RBFOX1: variants seen among roughly 807,000 people sequenced by gnomAD.
RBFOX1 encodes the protein RNA binding fox-1 homolog 1.
A neutral mutation model predicts 57.7 loss-of-function variants in RBFOX1; 8 were observed. That is an observed-to-expected ratio of 0.14 (90% CI 0.08 to 0.25). The LOEUF (loss-of-function observed/expected upper bound fraction) is 0.25. Among genes scored for constraint, RBFOX1 ranks in the 10% least tolerant of loss-of-function variants. RBFOX1 has a pLI of 1.00. For synonymous variants in RBFOX1, 326 were observed against 222.4 expected, an observed-to-expected ratio of 1.47 and a Z score of -4.15; for missense variants, 611 against 548.5, an observed-to-expected ratio of 1.11 and a Z score of -1.14.
At chr16:5,306,342 G>A (rs375242395) in intron 1 of RBFOX1, among the ~76,000 whole-genome samples, 5 of 146,048 alleles carry the variant, frequency 3.4e-5, no homozygotes, top group Non-Finnish European at 6.0e-5. Flanking sequence ...TTTTTGAGAC[G>A]GAGTTTCACC....
Position 5,689,555 on chromosome 16 carries a change from A to G in RBFOX1, c.318+90594A>G, listed in dbSNP as rs988219431. On this transcript the variant is annotated intron_variant, in intron 3 of 19. Coordinates refer to the RBFOX1 transcript ENST00000641259. ...AATAGGAGGTCTTATGTGGCACACCAGGAAAGACTTTTTGGGACCTTAGAA... is the reference window on the plus strand; with the variant it reads ...AATAGGAGGTCTTATGTGGCACACCGGGAAAGACTTTTTGGGACCTTAGAA... 2.6e-5 allele frequency among the ~76,000 whole-genome samples: 4 copies of G among 152,210 alleles called. 1 individual carries two copies. The highest frequency in any genetic ancestry group is 1.3e-4 in the Admixed American group (2 of 15,272).
At chr16:7,084,025 C>G (rs180804348) in intron 4 of RBFOX1, among the ~76,000 whole-genome samples, 180 of 152,254 alleles carry the variant, frequency 1.2e-3, no homozygotes, top group Admixed American at 0.01. Flanking sequence ...CTAACACTCT[C>G]CTGATCATCT....
chr16:6,104,275 A>G (rs569069169), intron 1 of RBFOX1, among the ~76,000 whole-genome samples: 17 of 152,300 alleles, frequency 1.1e-4, no homozygotes, highest in Non-Finnish European at 5.9e-5. Flanking sequence ...TACGCTTCTT[A>G]AGTATAAGGA....
intron 3 of RBFOX1, among the ~76,000 whole-genome samples, chr16:5,741,210 C>T (rs531352620): frequency 3.3e-5 from 5 of 152,218 alleles, no homozygotes; most frequent in Admixed American, 2.6e-4. Flanking sequence ...TGCATCTGTC[C>T]TTGGGGCTGC....
intron 3 of RBFOX1, among the ~76,000 whole-genome samples, chr16:5,751,071 G>C (rs140705712): frequency 8.5e-4 from 130 of 152,244 alleles, no homozygotes; most frequent in African/African-American, 3.0e-3. Flanking sequence ...TCAAACTTCT[G>C]ACCTGAAGAG....
intron 3 of RBFOX1, among the ~76,000 whole-genome samples, chr16:6,850,542 ATC>A (rs1567551497): frequency 6.6e-6 from 1 of 152,140 alleles, no homozygotes. Context: ...ACAAGGCCAG[ATC>A]TGTACCCACA....
intron 5 of RBFOX1, among the ~76,000 whole-genome samples, chr16:7,578,409 A>G (rs2093496367): frequency 1.3e-5 from 2 of 152,240 alleles, no homozygotes; most frequent in African/African-American, 4.8e-5. Flanking sequence ...ATGGTTTGCC[A>G]GCTAACAAGA....
chr16:7,335,182 G>C (rs1036855364), intron 4 of RBFOX1, among the ~76,000 whole-genome samples: 1 of 152,200 alleles, frequency 6.6e-6, no homozygotes, highest in Non-Finnish European at 1.5e-5. Context: ...GCTCAGCTCT[G>C]AGCCGATGTT....
chr16:7,298,206 T>C (rs1353340550), intron 4 of RBFOX1, among the ~76,000 whole-genome samples: 2 of 152,178 alleles, frequency 1.3e-5, no homozygotes, highest in East Asian at 3.9e-4. Flanking sequence ...CTGTTTATTA[T>C]AGTTGACCCT....
intron 2 of RBFOX1, among the ~76,000 whole-genome samples, chr16:6,508,005 C>T (rs111241248): frequency 1.3e-5 from 2 of 152,002 alleles, no homozygotes; most frequent in Non-Finnish European, 2.9e-5. Context: ...AAATGTGGTA[C>T]ATATACATGA....
At chr16:5,928,892 T>G (rs2058990151) in intron 4 of RBFOX1, among the ~76,000 whole-genome samples, 1 of 151,990 alleles carries the variant, frequency 6.6e-6, no homozygotes, top group Non-Finnish European at 1.5e-5. Flanking sequence ...TGACAGCCCA[T>G]GTTCAAATAA....
intron 1 of RBFOX1, among the ~76,000 whole-genome samples, chr16:6,181,124 T>C (rs2097059371): frequency 1.3e-5 from 2 of 152,196 alleles, no homozygotes; most frequent in Admixed American, 6.5e-5. Context: ...TAATCTGAAA[T>C]GTATGGGCTG....
At chr16:6,747,135 C>T (rs540239469) in intron 3 of RBFOX1, among the ~76,000 whole-genome samples, 9 of 152,252 alleles carry the variant, frequency 5.9e-5, no homozygotes, top group Admixed American at 2.0e-4. Context: ...GTCGGCCAGG[C>T]GCAGTGGCTC....
chr16:7,650,489 G>A (rs1238946262), intron 11 of RBFOX1, among the ~76,000 whole-genome samples: 1 of 152,082 alleles, frequency 6.6e-6, no homozygotes, highest in East Asian at 1.9e-4. Context: ...TCCTGCCTCA[G>A]GAAATCCATT....
rs147550741 is a variant in RBFOX1, at chr16:6,705,619, A to T, written c.-16+50969A>T. 8.5e-5 allele frequency: 13 copies of T among 152,296 alleles called. No individual in the cohort carries two copies. The East Asian group carries it at 2.5e-3, about 29-fold the overall frequency. The allele number at this position is 152,296 out of a possible 1,614,324, so 9.4% of individuals were successfully genotyped here. Reference sequence around the variant, plus strand: ...AGGACTCAGCTATGAAATATACAAGATGAGCCTGATAGCAAATATTTTACA... The same window carrying T: ...AGGACTCAGCTATGAAATATACAAGTTGAGCCTGATAGCAAATATTTTACA... On this transcript the variant is annotated intron_variant, in intron 3 of 15. Coordinates refer to ENST00000550418, the MANE Select transcript of RBFOX1 (RefSeq NM_018723.4).
At chr16:7,122,551 T>C (rs375484735) in intron 4 of RBFOX1, among the ~76,000 whole-genome samples, 2 of 151,920 alleles carry the variant, frequency 1.3e-5, no homozygotes, top group East Asian at 1.9e-4. Context: ...AGGCATAAGA[T>C]AAAAAAAATT....
intron 1 of RBFOX1, among the ~76,000 whole-genome samples, chr16:6,239,316 GC>G (rs970807804): frequency 2.6e-5 from 4 of 151,836 alleles, no homozygotes; most frequent in Admixed American, 6.6e-5. Flanking sequence ...TTATTTCTGG[GC>G]CCCACCGTGT....
At chr16:6,466,693 C>G (rs1220380247) in intron 2 of RBFOX1, among the ~76,000 whole-genome samples, 1 of 152,164 alleles carries the variant, frequency 6.6e-6, no homozygotes, top group East Asian at 1.9e-4. Context: ...CCTTTTCATC[C>G]TTTCAATCAT....
intron 3 of RBFOX1, among the ~76,000 whole-genome samples, chr16:6,832,128 T>C (rs944525360): frequency 6.6e-6 from 1 of 152,246 alleles, no homozygotes; most frequent in African/African-American, 2.4e-5. Flanking sequence ...TTTTTCCTGA[T>C]ATTTCAAAGC....
Sources: allele counts gnomAD v4.1 joint callset (sites outside exome capture counted in the v4.1 genomes callset), GRCh38; gene constraint gnomAD v4.1.1; transcripts MANE v1.5; gene names NCBI Gene and HGNC (gene_info 2026-07-23, HGNC 2026-07-21).